Variants in RDH13 observed in about 807,000 individuals in gnomAD.
The protein encoded by RDH13 is retinol dehydrogenase 13.
RDH13 carries 35 observed loss-of-function variants against 28.3 expected under a neutral mutation model. That is an observed-to-expected ratio of 1.24 (90% confidence interval 0.95 to 1.64). The LOEUF is 1.64. Among genes scored for constraint, RDH13 ranks in the 40% most tolerant of loss-of-function variants. The probability of loss-of-function intolerance (pLI) is 0.00; values close to 1 mark genes in which losing one functional copy is unlikely to be tolerated. For synonymous variants in RDH13, 229 were observed against 198.5 expected (o/e 1.15, Z -1.29); for missense variants, 514 against 446.3 (o/e 1.15, Z -1.37).
At position 55,056,518 on chromosome 19, in the gene RDH13, C is replaced by T. The variant is rs2075639003; in HGVS notation, c.340+135G>A. The T allele has an allele frequency of 8.6e-6, 9 of 1,047,828 alleles. No homozygotes were observed. The East Asian group carries it at 2.4e-4, about 28-fold the overall frequency. The allele number at this position is 1,047,828 out of a possible 1,614,324, so 64.9% of individuals were successfully genotyped here. A position where few individuals can be genotyped will look rare whatever the true frequency, so the allele number is the denominator to read the frequency against. ...TTGCAGGCTGTACAAAAAAAGGCAG[C>T]AACTGGACTTGGCCCCTAACTCATA... On this transcript the variant is annotated intron_variant, in intron 3 of 6. Coordinates refer to ENST00000415061, the MANE Select transcript of RDH13 (RefSeq NM_001145971.2).
chr19:55,056,538 C>T (rs905492317), intron 3 of RDH13, 115 bp downstream of exon 3: 45 of 1,361,586 alleles, frequency 3.3e-5, no homozygotes, highest in Middle Eastern at 2.2e-4. Flanking sequence ...TGGCCCCTAA[C>T]TCATAGTTTG....
upstream of RDH13, among the ~76,000 whole-genome samples, chr19:55,066,022 T>TGTCA (rs1364616394): frequency 2.6e-5 from 4 of 152,202 alleles, no homozygotes; most frequent in Non-Finnish European, 5.9e-5. Flanking sequence ...CCCAGCTACC[T>TGTCA]GTCATTGAAT....
At chr19:55,056,372 C>A (rs369962531) in intron 3 of RDH13, among the ~76,000 whole-genome samples, 6 of 152,024 alleles carry the variant, frequency 3.9e-5, no homozygotes, top group Non-Finnish European at 7.4e-5. Flanking sequence ...CTGAGGTCCG[C>A]GCTTGAACCC....
chr19:55,042,275 C>T (rs945561887), downstream of RDH13: 3 of 152,166 alleles, frequency 2.0e-5, no homozygotes, highest in Admixed American at 6.5e-5. Flanking sequence ...TGGAGCACTC[C>T]GGTTTATCAG....
chr19:55,048,731 CGTT>C lies in RDH13; in HGVS notation c.370_372del (p.Asn124del). 1 of 1,613,888 alleles carries C rather than the reference CGTT, an allele frequency of 6.2e-7. No homozygotes were observed. The highest frequency in any genetic ancestry group is 8.5e-7 in the Non-Finnish European group (1 of 1,179,996). On this transcript the variant is annotated inframe_deletion, in exon 4 of 7. Coordinates refer to ENST00000415061, the MANE Select transcript of RDH13 (RefSeq NM_001145971.2). ...CAGTGGGGGCACCGCATCACACCCGCGTTGTTGATTAGAATGTCCACTCGCTCC... is the reference window on the plus strand; with the variant it reads ...CAGTGGGGGCACCGCATCACACCCGCGTTGATTAGAATGTCCACTCGCTCC...
chr19:55,069,166 C>A (rs2076016500), intron 1 of RDH13, among the ~76,000 whole-genome samples: 1 of 146,564 alleles, frequency 6.8e-6, no homozygotes, highest in South Asian at 2.3e-4. Flanking sequence ...CCGCCACGAT[C>A]CCTCCCAGAG....
intron 1 of RDH13, among the ~76,000 whole-genome samples, chr19:55,061,089 C>G (rs1161607667): frequency 6.6e-6 from 1 of 152,114 alleles, no homozygotes; most frequent in Non-Finnish European, 1.5e-5. Context: ...CATCTTCAAC[C>G]TGCATCCTCA....
At position 55,044,404 on chromosome 19, in the gene RDH13, GTCCCAGGCAA is replaced by G. The variant is rs2075130555; in HGVS notation, c.*660_*669del. On this transcript the variant is annotated 3_prime_UTR_variant, in exon 7 of 7. Transcript: ENST00000415061. The stretch of plus-strand genomic sequence containing the variant: ...CATGAGAATTGATAGGAAGGTGGGA[GTCCCAGGCAA>G]TCCCAGGTCCTGTAGCAGCAGCTGG... The G allele has an allele frequency of 6.6e-6, 1 of 152,050 alleles. No homozygotes were observed. Among genetic ancestry groups the G allele is most frequent in the Non-Finnish European group, 1.5e-5 (1 of 68,036 alleles). The allele number at this position is 152,050 out of a possible 1,614,324, so 9.4% of individuals were successfully genotyped here.
intron 3 of RDH13, among the ~76,000 whole-genome samples, chr19:55,055,676 A>C (rs28591280): frequency 0.17 from 24,968 of 144,388 alleles, 2,364 homozygotes; most frequent in African/African-American, 0.27. Context: ...CCCAGCTCTA[A>C]AAACAAAACA....
upstream of RDH13, chr19:55,063,225 C>A: frequency 2.2e-6 from 1 of 450,040 alleles, no homozygotes; most frequent in Non-Finnish European, 3.8e-6. Context: ...ATCCTAGGGA[C>A]GGGACCTATG....
Position 55,062,307 on chromosome 19 carries a change from T to A in RDH13, c.65+661A>T, listed in dbSNP as rs544565357. On this transcript the variant is annotated intron_variant, in intron 1 of 6. Transcript: ENST00000415061. The stretch of plus-strand genomic sequence containing the variant: ...GTCCAGCAACAGGAGGCTGAGCAGG[T>A]AAACAGCACTGCACCCACAGGAGAG... Among the ~76,000 whole-genome samples, 51 of 152,144 alleles carry A rather than the reference T, an allele frequency of 3.4e-4. No homozygotes were observed. The South Asian group carries it at 0.01, about 31-fold the overall frequency.
chr19:55,045,335 G>A (rs1407467875), intron 6 of RDH13, 26 bp from the exon 7 acceptor site: 1 of 1,568,338 alleles, frequency 6.4e-7, no homozygotes, highest in Non-Finnish European at 8.7e-7. Flanking sequence ...AGGGCATTTA[G>A]TCCACACTCG....
chr19:55,048,068 C>A, intron 5 of RDH13: 1 of 1,483,772 alleles, frequency 6.7e-7, no homozygotes, highest in Non-Finnish European at 9.0e-7. Flanking sequence ...AAAGGCTGAG[C>A]TGCCTGCCCA....
intron 3 of RDH13, among the ~76,000 whole-genome samples, chr19:55,051,534 G>A (rs1029518339): frequency 2.3e-4 from 15 of 64,656 alleles, no homozygotes; most frequent in South Asian, 2.2e-3. Context: ...GGGTTCAGGC[G>A]ATTCTGCTGC....
In RDH13 at chr19:55,050,275, C is replaced by T. The variant is rs147942688; in HGVS notation, c.341-1512G>A. 1.8e-3 allele frequency among the ~76,000 whole-genome samples: 274 copies of T among 152,100 alleles called. 2 individuals are homozygous for T. The highest frequency in any genetic ancestry group is 6.3e-3 in the African/African-American group (261 of 41,494). On this transcript the variant is annotated intron_variant, in intron 3 of 6. Transcript: ENST00000415061. Reference sequence around the variant, plus strand: ...GGACTACAGGCATCCACCACCACACCGGGTTAATTTTTTGTATCTTTAGTA... The same window carrying T: ...GGACTACAGGCATCCACCACCACACTGGGTTAATTTTTTGTATCTTTAGTA...
intron 3 of RDH13, 90 bp from the exon 4 acceptor site, chr19:55,048,853 C>CTG: frequency 8.7e-7 from 1 of 1,152,746 alleles, no homozygotes; most frequent in Non-Finnish European, 1.3e-6. Flanking sequence ...CTCCCACAAC[C>CTG]TGTGAATGTG....
At position 55,045,257 on chromosome 19, in the gene RDH13, G is replaced by C; in HGVS notation, c.813C>G (p.Ser271Arg). The C allele has an allele frequency of 6.2e-7, 1 of 1,613,234 alleles. No individual in the cohort carries two copies. Among genetic ancestry groups the C allele is most frequent in the Non-Finnish European group, 8.5e-7 (1 of 1,180,016 alleles). Residue 271 changes from serine (S) to arginine (R), a missense_variant, in exon 7 of 7, where the codon AGC becomes AGG. Coordinates refer to ENST00000415061, the MANE Select transcript of RDH13 (RefSeq NM_001145971.2). ...VKSPELAAQP[S>R]TYLAVAEELA... Reference sequence around the variant, plus strand: ...GTTCCTCCGCCACGGCCAGGTATGTGCTGGGCTGGGCGGCCAGCTCGGGGC... The same window carrying C: ...GTTCCTCCGCCACGGCCAGGTATGTCCTGGGCTGGGCGGCCAGCTCGGGGC...
At chr19:55,052,063 C>CTTTTTTTTTTT (rs111427426) in intron 3 of RDH13, among the ~76,000 whole-genome samples, 1 of 120,782 alleles carries the variant, frequency 8.3e-6, no homozygotes, top group African/African-American at 3.4e-5. Context: ...ACTGCCTCAA[C>CTTTTTTTTTTT]TTTTTTTTTT....
In RDH13 at chr19:55,063,115, A is replaced by C; in HGVS notation, c.-83T>G. On this transcript the variant is annotated 5_prime_UTR_variant, in exon 1 of 7. Coordinates refer to ENST00000415061, the MANE Select transcript of RDH13 (RefSeq NM_001145971.2). ...AGCCGCCTGGGTAGCTCCGAGGAAG[A>C]GCGCGCGACGCAGCCACAGGCGAGC... The C allele has an allele frequency of 8.4e-7, 1 of 1,194,900 alleles. No individual in the cohort carries two copies. Among genetic ancestry groups the C allele is most frequent in the Non-Finnish European group, 1.1e-6 (1 of 935,316 alleles). The allele number at this position is 1,194,900 out of a possible 1,614,324, so 74.0% of individuals were successfully genotyped here.
Sources: gnomAD v4.1 joint callset for allele counts (sites outside exome capture counted in the v4.1 genomes callset) on GRCh38, gnomAD v4.1.1 for gene constraint, MANE v1.5 for transcripts, NCBI Gene and HGNC (gene_info 2026-07-23, HGNC 2026-07-21) for gene names.